The following CLIC5 variants were observed in gnomAD, a reference collection of about 807,000 sequenced individuals.
CLIC5 encodes CLIC family member 5, also known as chloride intracellular channel protein 5.
Under a neutral mutation model 24.7 loss-of-function variants are expected in CLIC5, and 20 were observed. That is an observed-to-expected ratio of 0.81 (90% CI 0.57 to 1.18). CLIC5 has a LOEUF of 1.18. CLIC5 is among the 50% of genes most tolerant of loss of function. The pLI, the probability that CLIC5 is intolerant of heterozygous loss-of-function variation, is 0.00. For missense variants in CLIC5, 341 were observed against 326.1 expected, an observed-to-expected ratio of 1.05 and a Z score of -0.35; for synonymous variants, 159 against 135.6, an observed-to-expected ratio of 1.17 and a Z score of -1.20.
the CLIC5 span, among the ~76,000 whole-genome samples, chr6:46,086,924 T>C: frequency 6.6e-6 from 1 of 152,260 alleles, no homozygotes; most frequent in African/African-American, 2.4e-5. Flanking sequence ...TTCCTTAGAG[T>C]TCCATCAAAT....
intron 5 of CLIC5, among the ~76,000 whole-genome samples, chr6:45,910,178 G>A (rs2127301513): frequency 6.6e-6 from 1 of 152,080 alleles, no homozygotes; most frequent in African/African-American, 2.4e-5. Context: ...AGCAATCACA[G>A]GTTCTTCACT....
intron 2 of CLIC5, among the ~76,000 whole-genome samples, chr6:45,953,488 ACAGAGGATG>A (rs1455062877): frequency 2.0e-5 from 3 of 152,202 alleles, no homozygotes; most frequent in Admixed American, 2.0e-4. Flanking sequence ...CCTGTTTTAG[ACAGAGGATG>A]CAGTTCTGCC....
At chr6:45,885,756 A>G (rs1171189669) in intron 6 of CLIC5, among the ~76,000 whole-genome samples, 1 of 152,192 alleles carries the variant, frequency 6.6e-6, no homozygotes, top group Non-Finnish European at 1.5e-5. Context: ...ATGCTAAGGG[A>G]ACACTGGGCT....
chr6:45,949,325 A>G lies in CLIC5; in HGVS notation c.230T>C (p.Phe77Ser). 5 of 1,614,000 alleles carry G rather than the reference A, an allele frequency of 3.1e-6. No homozygotes were observed. Among genetic ancestry groups the G allele is most frequent in the Non-Finnish European group, 4.2e-6 (5 of 1,179,910 alleles). The change falls in exon 3 of 6, where the codon TTC (phenylalanine) becomes TCC (serine). Residue 77 changes from phenylalanine (F) to serine (S), a missense_variant. Transcript: ENST00000339561. ...APGTHPPFLT[F>S]NGDVKTDVNK... ...GACGTCTGTCTTCACGTCCCCGTTG[A>G]AGGTCAGGAAGGGCGGGTGCGTGCC...
chr6:45,958,047 G>A (rs973615406), intron 1 of CLIC5, among the ~76,000 whole-genome samples: 10 of 152,116 alleles, frequency 6.6e-5, no homozygotes, highest in Admixed American at 3.3e-4. Context: ...GTGTGCATGG[G>A]ACCTTATTGG....
intron 1 of CLIC5, among the ~76,000 whole-genome samples, chr6:45,991,620 C>T (rs916764959): frequency 6.6e-6 from 1 of 152,176 alleles, no homozygotes; most frequent in African/African-American, 2.4e-5. Context: ...AACTAATATA[C>T]CCCTATTTCT....
intron 1 of CLIC5, among the ~76,000 whole-genome samples, chr6:45,962,985 C>T (rs1764901063): frequency 6.6e-6 from 1 of 152,244 alleles, no homozygotes. Context: ...AAAGAACTGC[C>T]CTTTCCAACT....
At chr6:45,904,555 T>G (rs1762597195) in intron 5 of CLIC5, among the ~76,000 whole-genome samples, 2 of 151,376 alleles carry the variant, frequency 1.3e-5, no homozygotes, top group African/African-American at 4.9e-5. Flanking sequence ...GCACATTAGC[T>G]GGTCCTCCTC....
At chr6:46,080,929 G>T (rs1042266624), upstream of CLIC5, among the ~76,000 whole-genome samples, 1 of 152,084 alleles carries the variant, frequency 6.6e-6, no homozygotes, top group African/African-American at 2.4e-5. Context: ...AAGACTTATG[G>T]CTTTAATTTT....
intron 1 of CLIC5, among the ~76,000 whole-genome samples, chr6:46,058,772 C>T (rs1411476279): frequency 6.6e-6 from 1 of 152,068 alleles, no homozygotes; most frequent in Non-Finnish European, 1.5e-5. Context: ...GAAAAAAATC[C>T]CAGATTCCCT....
At chr6:45,921,092 G>A (rs568360564) in intron 4 of CLIC5, among the ~76,000 whole-genome samples, 9 of 152,270 alleles carry the variant, frequency 5.9e-5, no homozygotes, top group African/African-American at 2.2e-4. Context: ...ACCACACAAA[G>A]GCAAAATTAT....
rs187374363 is a variant in CLIC5, at chr6:46,057,805, T to C, written c.540+21898A>G. Among the ~76,000 whole-genome samples, 172 of 152,282 alleles carry C rather than the reference T, an allele frequency of 1.1e-3. 1 individual carries two copies. The highest frequency in any genetic ancestry group is 9.5e-3 in the Admixed American group (146 of 15,302). On this transcript the variant is annotated intron_variant, in intron 1 of 5. Transcript: ENST00000185206. ...AATTAGTGGTGTTTAGAGCAGTTTG[T>C]CCCAGTTCATGACAGCCAGCTGTGC... is the stretch of plus-strand genomic sequence containing the variant.
chr6:46,025,064 T>TTA (rs1344289058), intron 1 of CLIC5, among the ~76,000 whole-genome samples: 2 of 152,000 alleles, frequency 1.3e-5, no homozygotes, highest in East Asian at 3.9e-4. Flanking sequence ...AGAGAATGTC[T>TTA]TATAGTATAA....
rs562742754 is a variant in CLIC5 at position 45,886,511 on chromosome 6, C to G, written c.624-5323G>C. 1.1e-4 allele frequency among the ~76,000 whole-genome samples: 16 copies of G among 152,306 alleles called. No individual in the cohort carries two copies. In the South Asian group the frequency reaches 3.3e-3, roughly 32 times the overall value. ...TTGGTAAATTTCCTTTTATCACCAG[C>G]TCACGGGGAGTAAGTGGGTAATGTA... is the stretch of plus-strand genomic sequence containing the variant. On this transcript the variant is annotated intron_variant, in intron 6 of 6. Coordinates refer to the CLIC5 transcript ENST00000644324.
At chr6:45,883,371 C>T (rs896356806) in intron 6 of CLIC5, among the ~76,000 whole-genome samples, 1 of 152,148 alleles carries the variant, frequency 6.6e-6, no homozygotes, top group Non-Finnish European at 1.5e-5. Context: ...CGATAATAAA[C>T]CTTAGGAAAA....
At chr6:45,895,625 C>G (rs1282978919), downstream of CLIC5, among the ~76,000 whole-genome samples, 7 of 152,184 alleles carry the variant, frequency 4.6e-5, no homozygotes, top group Non-Finnish European at 1.0e-4. Context: ...CTCCAGTCAA[C>G]CACTAATAAA....
intron 1 of CLIC5, among the ~76,000 whole-genome samples, chr6:46,050,222 A>G (rs979899507): frequency 1.3e-5 from 2 of 152,218 alleles, no homozygotes; most frequent in Admixed American, 6.5e-5. Flanking sequence ...TAATCTGTTC[A>G]GTTGAAAGTA....
At chr6:46,047,010 C>G (rs564776749) in intron 1 of CLIC5, among the ~76,000 whole-genome samples, 1 of 152,168 alleles carries the variant, frequency 6.6e-6, no homozygotes, top group African/African-American at 2.4e-5. Flanking sequence ...TGCTCCCTTC[C>G]CATGCCCAGA....
intron 6 of CLIC5, among the ~76,000 whole-genome samples, chr6:45,882,389 A>G (rs1029833695): frequency 2.0e-4 from 31 of 152,384 alleles, no homozygotes; most frequent in Admixed American, 1.4e-3. Context: ...GAGGCTGCCC[A>G]ATGGCAATGG....
Sources: allele counts gnomAD v4.1 joint callset (sites outside exome capture counted in the v4.1 genomes callset), GRCh38; gene constraint gnomAD v4.1.1; transcripts MANE v1.5; gene names NCBI Gene and HGNC (gene_info 2026-07-23, HGNC 2026-07-21).